The following MRTFA variants were observed in gnomAD, a reference collection of about 807,000 sequenced individuals.
MRTFA encodes the protein myocardin related transcription factor A.
Under a neutral mutation model 83.5 loss-of-function variants are expected in MRTFA, and 20 were observed. The ratio of observed to expected loss-of-function variants is 0.24; its 90% CI spans 0.17 to 0.35. The LOEUF (loss-of-function observed/expected upper bound fraction) is 0.35, where lower values mean the gene tolerates loss of function less well. MRTFA is among the 10% of genes least tolerant of loss of function. The pLI, the probability that MRTFA is intolerant of heterozygous loss-of-function variation, is 1.00. For missense variants in MRTFA, 1,200 were observed against 1,224.7 expected, an observed-to-expected ratio of 0.98 and a Z score of 0.30; for synonymous variants, 659 against 541.2, an observed-to-expected ratio of 1.22 and a Z score of -3.02.
chr22:40,540,320 T>A (rs970178805), intron 3 of MRTFA, among the ~76,000 whole-genome samples: 1 of 152,194 alleles, frequency 6.6e-6, no homozygotes, highest in Non-Finnish European at 1.5e-5. Context: ...TGTTACCAAC[T>A]GATTGTTATT....
chr22:40,614,403 C>T, intron 1 of MRTFA, among the ~76,000 whole-genome samples: 1 of 149,444 alleles, frequency 6.7e-6, no homozygotes. Flanking sequence ...AAAGTGAGAC[C>T]CTGTCTCCAA....
At chr22:40,463,161 G>A (rs1309132416) in intron 4 of MRTFA, 60 bp downstream of exon 4, 3 of 1,399,244 alleles carry the variant, frequency 2.1e-6, no homozygotes, top group South Asian at 1.2e-5. Flanking sequence ...TGGCATACTC[G>A]GTGAACACAG....
intron 2 of MRTFA, among the ~76,000 whole-genome samples, chr22:40,588,614 C>T (rs2056068560): frequency 6.6e-6 from 1 of 152,152 alleles, no homozygotes; most frequent in Non-Finnish European, 1.5e-5. Flanking sequence ...TGAACTGTGG[C>T]CTCCAATTCA....
intron 2 of MRTFA, among the ~76,000 whole-genome samples, chr22:40,559,300 C>G (rs776806597): frequency 6.6e-6 from 1 of 152,122 alleles, no homozygotes; most frequent in Non-Finnish European, 1.5e-5. Context: ...GTAAGAGGAT[C>G]ACCTCGACCC....
In MRTFA at chr22:40,420,470, G is replaced by A. The variant is rs1438330076; in HGVS notation, c.1288C>T (p.Arg430Cys). 8.1e-6 allele frequency: 13 copies of A among 1,613,780 alleles called. No homozygotes were observed. Among genetic ancestry groups the A allele is most frequent in the South Asian group, 4.4e-5 (4 of 91,086 alleles). The change falls in exon 11 of 15, where the codon CGT (arginine) becomes TGT (cysteine). Residue 430 changes from arginine to cysteine, a missense_variant. By Grantham distance (180) the Arg-to-Cys change is radical. This residue lies in a region of MRTFA where 1,107 missense variants were observed against 1,041.8 expected (regional missense o/e 1.06). Transcript: ENST00000355630. ...CCAGTCAGTGAGGTGCTGTTCTGACGTGCCAGCCCACAGGGCCCAGGGGCG... is the reference window on the plus strand; with the variant it reads ...CCAGTCAGTGAGGTGCTGTTCTGACATGCCAGCCCACAGGGCCCAGGGGCG...
intron 3 of MRTFA, among the ~76,000 whole-genome samples, chr22:40,521,344 T>C (rs1489297532): frequency 6.6e-6 from 1 of 152,196 alleles, no homozygotes; most frequent in Non-Finnish European, 1.5e-5. Context: ...AAGAATGTTA[T>C]ATAAATAGAA....
At chr22:40,584,203 A>C (rs2147364959) in intron 2 of MRTFA, among the ~76,000 whole-genome samples, 1 of 152,304 alleles carries the variant, frequency 6.6e-6, no homozygotes, top group East Asian at 1.9e-4. Context: ...TTAGGATTTG[A>C]AGAAATCTAA....
intron 3 of MRTFA, among the ~76,000 whole-genome samples, chr22:40,487,338 C>G (rs774548245): frequency 1.2e-4 from 19 of 152,184 alleles, no homozygotes; most frequent in Non-Finnish European, 4.4e-5. Context: ...TTATATAATA[C>G]TTTACAAAGC....
intron 5 of MRTFA, among the ~76,000 whole-genome samples, chr22:40,435,250 A>G (rs924792648): frequency 5.3e-5 from 8 of 152,238 alleles, no homozygotes; most frequent in African/African-American, 1.9e-4. Context: ...ATATCCTTAA[A>G]TGTACAAAAA....
chr22:40,607,009 CAAGT>C lies in MRTFA; in HGVS notation c.-83-12278_-83-12275del, dbSNP rs1407115852. 7.2e-5 allele frequency among the ~76,000 whole-genome samples: 11 copies of C among 152,290 alleles called. No homozygotes were observed. The East Asian group carries it at 2.1e-3, about 29-fold the overall frequency. ...TAACTATTTTGTTAACAAATAAAAT[CAAGT>C]AAGATAGCATACATGAAAGCACCTA... On this transcript the variant is annotated intron_variant, in intron 1 of 14. Transcript: ENST00000355630.
chr22:40,549,964 G>A (rs1278671958), intron 3 of MRTFA, among the ~76,000 whole-genome samples: 1 of 151,090 alleles, frequency 6.6e-6, no homozygotes, highest in African/African-American at 2.4e-5. Flanking sequence ...CAAGAGAATT[G>A]CTTGAACCCG....
intron 3 of MRTFA, among the ~76,000 whole-genome samples, chr22:40,524,805 G>A (rs1217042688): frequency 2.0e-5 from 3 of 152,060 alleles, no homozygotes; most frequent in Non-Finnish European, 2.9e-5. Context: ...ATTTTTGTGC[G>A]TGTGCGTGTG....
chr22:40,604,852 G>A (rs1463553451), intron 1 of MRTFA, among the ~76,000 whole-genome samples: 1 of 152,204 alleles, frequency 6.6e-6, no homozygotes, highest in Non-Finnish European at 1.5e-5. Flanking sequence ...CCTAAGTGCT[G>A]ATGATACAGT....
At chr22:40,420,285 T>C in intron 11 of MRTFA, 120 bp downstream of exon 11, 2 of 1,199,220 alleles carry the variant, frequency 1.7e-6, no homozygotes, top group Non-Finnish European at 2.3e-6. Context: ...AGCCCTGCTC[T>C]GCTTTCCATG....
In MRTFA at chr22:40,526,773, C is replaced by G. The variant is rs141657025; in HGVS notation, c.241+25333G>C. 2.6e-5 allele frequency: 4 copies of G among 152,216 alleles called. No homozygotes were observed. The East Asian group carries it at 7.7e-4, about 29-fold the overall frequency. The allele number at this position is 152,216 out of a possible 1,614,324, so 9.4% of individuals were successfully genotyped here. ...GTAAATTGTGAAGATACAGACACTGCAAAAAGTTGTTGTGAAAATCAAACA... is the reference window on the plus strand; with the variant it reads ...GTAAATTGTGAAGATACAGACACTGGAAAAAGTTGTTGTGAAAATCAAACA... On this transcript the variant is annotated intron_variant, in intron 3 of 14. Coordinates refer to ENST00000355630, the MANE Select transcript of MRTFA (RefSeq NM_020831.6).
chr22:40,556,989 T>TTCAATAAAC (rs1453519664), intron 2 of MRTFA, among the ~76,000 whole-genome samples: 1 of 152,184 alleles, frequency 6.6e-6, no homozygotes, highest in Admixed American at 6.5e-5. Flanking sequence ...GTAACAGGTT[T>TTCAATAAAC]TCAATAAACA....
Position 40,559,350 on chromosome 22 carries a change from T to G in MRTFA, c.-21-6983A>C, listed in dbSNP as rs556888099. Among the ~76,000 whole-genome samples the G allele has an allele frequency of 2.1e-4, 32 of 152,148 alleles. 1 individual carries two copies. Among genetic ancestry groups the G allele is most frequent in the Admixed American group, 3.9e-4 (6 of 15,278 alleles). On this transcript the variant is annotated intron_variant, in intron 2 of 14. Transcript: ENST00000355630. ...CTGCAGTGAGCTGTGATCATGCCAC[T>G]GCACTCCAGCCTGGGCAACGAAGTG...
In MRTFA at chr22:40,500,341, T is replaced by G. The variant is rs539688266; in HGVS notation, c.242-37055A>C. On this transcript the variant is annotated intron_variant, in intron 3 of 14. Transcript: ENST00000355630. ...TCTTTTTTTTTGTTACAGTTTTTAT[T>G]TTTTTTATTTTTTTTTTAACATTTC... Among the ~76,000 whole-genome samples, 12 of 26,114 alleles carry G rather than the reference T, an allele frequency of 4.6e-4. No homozygotes were observed. The South Asian group carries it at 0.024, about 53-fold the overall frequency. 17.1% of individuals were successfully genotyped at this position (26,114 alleles called of 152,430 possible). A position where few individuals can be genotyped will look rare whatever the true frequency, so the allele number is the denominator to read the frequency against.
intron 3 of MRTFA, chr22:40,522,857 T>A (rs2054894047): frequency 6.6e-6 from 1 of 152,064 alleles, no homozygotes; most frequent in South Asian, 2.1e-4. Context: ...TCAACCAACA[T>A]CAATAGAACC....
Sources: allele counts gnomAD v4.1 joint callset (sites outside exome capture counted in the v4.1 genomes callset), GRCh38; gene constraint gnomAD v4.1.1; regional missense constraint gnomAD v4.1.1; transcripts MANE v1.5; gene names NCBI Gene and HGNC (gene_info 2026-07-23, HGNC 2026-07-21).